Variants in SIPA1L1 observed in about 807,000 individuals in gnomAD.
The protein encoded by SIPA1L1 is signal induced proliferation associated 1 like 1, also known as signal-induced proliferation-associated 1-like protein 1.
A neutral mutation model predicts 162.7 loss-of-function variants in SIPA1L1; 26 were observed. The observed-to-expected ratio is 0.16, with a 90% confidence interval of 0.12 to 0.22. The LOEUF (loss-of-function observed/expected upper bound fraction) is 0.22. Ranked by LOEUF, SIPA1L1 falls within the 10% of genes least tolerant of loss-of-function variation. The pLI, the probability that SIPA1L1 is intolerant of heterozygous loss-of-function variation, is 1.00. For synonymous variants in SIPA1L1, 829 were observed against 837.4 expected (o/e 0.99, Z 0.17); for missense variants, 1,874 against 2,241.0 (o/e 0.84, Z 3.31).
chr14:71,404,011 G>A (rs1422415843), intron 2 of SIPA1L1, among the ~76,000 whole-genome samples: 2 of 94,260 alleles, frequency 2.1e-5, no homozygotes, highest in African/African-American at 8.4e-5. Context: ...ACATCACAGT[G>A]AAGAGACTGT....
At chr14:71,685,135 G>A (rs944151921) in intron 12 of SIPA1L1, among the ~76,000 whole-genome samples, 1 of 152,048 alleles carries the variant, frequency 6.6e-6, no homozygotes, top group Non-Finnish European at 1.5e-5. Flanking sequence ...TCCATATCTC[G>A]CACTCAAAAA....
At chr14:71,329,697 A>G (rs1392438947) in intron 2 of SIPA1L1, among the ~76,000 whole-genome samples, 1 of 152,202 alleles carries the variant, frequency 6.6e-6, no homozygotes, top group African/African-American at 2.4e-5. Context: ...CTGATGATTG[A>G]TGAAGTTGAT....
chr14:71,468,015 T>C (rs909523704), intron 2 of SIPA1L1, among the ~76,000 whole-genome samples: 1 of 148,012 alleles, frequency 6.8e-6, no homozygotes, highest in Non-Finnish European at 1.5e-5. Flanking sequence ...GGTGTGTGTG[T>C]GTGTGTGTGT....
At chr14:71,491,691 C>T (rs2049268241) in intron 2 of SIPA1L1, among the ~76,000 whole-genome samples, 1 of 151,330 alleles carries the variant, frequency 6.6e-6, no homozygotes, top group Non-Finnish European at 1.5e-5. Flanking sequence ...AATGCTCAGC[C>T]TGCCTTGGCT....
At chr14:71,338,959 T>C (rs2035369703) in intron 2 of SIPA1L1, among the ~76,000 whole-genome samples, 1 of 151,970 alleles carries the variant, frequency 6.6e-6, no homozygotes, top group Non-Finnish European at 1.5e-5. Context: ...AGGCTGGTCT[T>C]GAACTCCCAA....
chr14:71,527,943 A>G (rs978589865), intron 3 of SIPA1L1, among the ~76,000 whole-genome samples: 1 of 152,136 alleles, frequency 6.6e-6, no homozygotes, highest in Admixed American at 6.5e-5. Context: ...GGAGGAGTGC[A>G]GCAGCACAAT....
At chr14:71,332,945 G>T (rs759264224) in intron 2 of SIPA1L1, among the ~76,000 whole-genome samples, 1 of 152,182 alleles carries the variant, frequency 6.6e-6, no homozygotes, top group African/African-American at 2.4e-5. Context: ...AAGAACTGAA[G>T]AAAGAAATTT....
At chr14:71,494,380 T>C (rs1195611313) in intron 2 of SIPA1L1, among the ~76,000 whole-genome samples, 4 of 152,152 alleles carry the variant, frequency 2.6e-5, no homozygotes, top group African/African-American at 4.8e-5. Context: ...TATAATCGTG[T>C]GGCTTTTTGT....
chr14:71,643,153 G>GC (rs2041875185), intron 7 of SIPA1L1, among the ~76,000 whole-genome samples: 2 of 152,086 alleles, frequency 1.3e-5, no homozygotes, highest in African/African-American at 4.8e-5. Context: ...CTAAGAATAA[G>GC]AAGCATGCAG....
At chr14:71,375,588 C>A (rs1221761164) in intron 2 of SIPA1L1, among the ~76,000 whole-genome samples, 1 of 152,018 alleles carries the variant, frequency 6.6e-6, no homozygotes, top group Non-Finnish European at 1.5e-5. Context: ...ACCTCTTTTT[C>A]TTGCTTTATT....
At chr14:71,405,081 T>C (rs1239724427) in intron 2 of SIPA1L1, among the ~76,000 whole-genome samples, 1 of 152,242 alleles carries the variant, frequency 6.6e-6, no homozygotes, top group Non-Finnish European at 1.5e-5. Context: ...GTGCCTATGG[T>C]AACAATGATT....
At chr14:71,576,902 G>A (rs2033110864) in intron 4 of SIPA1L1, among the ~76,000 whole-genome samples, 1 of 152,058 alleles carries the variant, frequency 6.6e-6, no homozygotes, top group African/African-American at 2.4e-5. Flanking sequence ...GGCCAACATG[G>A]TGAAACCCCG....
intron 2 of SIPA1L1, 52 bp from the exon 3 acceptor site, chr14:71,512,691 G>A (rs994741473): frequency 2.9e-5 from 4 of 139,870 alleles, no homozygotes; most frequent in African/African-American, 7.8e-5. Context: ...GGAGGGGGGT[G>A]GGAATGTGCA....
chr14:71,693,423 TG>T (rs2081389465), intron 13 of SIPA1L1, among the ~76,000 whole-genome samples: 1 of 151,804 alleles, frequency 6.6e-6, no homozygotes. Flanking sequence ...CACTTGAACC[TG>T]GGAGGAGGAG....
intron 4 of SIPA1L1, among the ~76,000 whole-genome samples, chr14:71,572,306 C>T (rs959302870): frequency 2.0e-5 from 3 of 152,156 alleles, no homozygotes; most frequent in Non-Finnish European, 2.9e-5. Context: ...TACAAATATT[C>T]GGACCATAGC....
intron 2 of SIPA1L1, among the ~76,000 whole-genome samples, chr14:71,382,706 T>A (rs1204134886): frequency 6.6e-6 from 1 of 152,206 alleles, no homozygotes; most frequent in Non-Finnish European, 1.5e-5. Context: ...ATAGCACTTT[T>A]AAAAGCACCA....
At chr14:71,356,480 C>T (rs1218943339) in intron 2 of SIPA1L1, among the ~76,000 whole-genome samples, 1 of 143,830 alleles carries the variant, frequency 7.0e-6, no homozygotes, top group Admixed American at 7.3e-5. Flanking sequence ...CCTGTGATCC[C>T]AGCACTTTGG....
chr14:71,544,217 G>GTA (rs1276431441), intron 4 of SIPA1L1, among the ~76,000 whole-genome samples: 3 of 151,158 alleles, frequency 2.0e-5, no homozygotes, highest in East Asian at 3.9e-4. Flanking sequence ...ACATGCATGT[G>GTA]TATATACATA....
intron 2 of SIPA1L1, among the ~76,000 whole-genome samples, chr14:71,412,364 ATTC>A (rs1325847618): frequency 6.6e-6 from 1 of 152,204 alleles, no homozygotes; most frequent in African/African-American, 2.4e-5. Context: ...GCTTAAGACA[ATTC>A]TTCTTCCACT....
Sources: allele counts gnomAD v4.1 joint callset (sites outside exome capture counted in the v4.1 genomes callset), GRCh38; gene constraint gnomAD v4.1.1; transcripts MANE v1.5; gene names NCBI Gene and HGNC (gene_info 2026-07-23, HGNC 2026-07-21).